Variants in PTP4A1 observed in about 807,000 individuals in gnomAD.
PTP4A1 encodes the protein protein tyrosine phosphatase type IVA 1.
PTP4A1 carries 9 observed loss-of-function variants against 20.5 expected under a neutral mutation model. The ratio of observed to expected loss-of-function variants is 0.44; its 90% CI spans 0.26 to 0.77. PTP4A1 has a LOEUF of 0.77. PTP4A1 is among the 30% of genes least tolerant of loss of function. The pLI, the probability that PTP4A1 is intolerant of heterozygous loss-of-function variation, is 0.19. For missense variants in PTP4A1, 137 were observed against 218.8 expected (o/e 0.63, Z 2.36); for synonymous variants, 78 against 67.4 (o/e 1.16, Z -0.77).
At chr6:63,519,476 C>T (rs1774846813), upstream of PTP4A1, among the ~76,000 whole-genome samples, 2 of 152,172 alleles carry the variant, frequency 1.3e-5, no homozygotes, top group Non-Finnish European at 2.9e-5. Context: ...TATGTCCTGT[C>T]TTACCAGGTG....
At chr6:63,557,348 C>T (rs1296295492) in intron 3 of PTP4A1, among the ~76,000 whole-genome samples, 1 of 152,032 alleles carries the variant, frequency 6.6e-6, no homozygotes, top group Non-Finnish European at 1.5e-5. Context: ...GGTGGATCAC[C>T]TGAGGTCAGG....
chr6:63,548,002 G>A (rs1776279287), intron 2 of PTP4A1, among the ~76,000 whole-genome samples: 1 of 152,032 alleles, frequency 6.6e-6, no homozygotes, highest in African/African-American at 2.4e-5. Flanking sequence ...TTCACAATCA[G>A]GAACTTGTTT....
At chr6:63,562,427 G>A (rs1226036422) in intron 3 of PTP4A1, among the ~76,000 whole-genome samples, 2 of 152,052 alleles carry the variant, frequency 1.3e-5, no homozygotes, top group Non-Finnish European at 2.9e-5. Context: ...TCGAACTCCC[G>A]ACCTCAAGTG....
intron 3 of PTP4A1, among the ~76,000 whole-genome samples, chr6:63,563,583 C>T (rs570977312): frequency 6.6e-6 from 1 of 152,328 alleles, no homozygotes; most frequent in African/African-American, 2.4e-5. Context: ...TGCTTATTTA[C>T]TTGTTATTTT....
intron 3 of PTP4A1, among the ~76,000 whole-genome samples, chr6:63,555,736 C>T (rs1221235229): frequency 1.3e-5 from 2 of 150,994 alleles, no homozygotes; most frequent in African/African-American, 4.9e-5. Flanking sequence ...CTCTGTCACC[C>T]AGCCTGGAGT....
At chr6:63,528,593 TG>T (rs1172812849) in intron 2 of PTP4A1, among the ~76,000 whole-genome samples, 5 of 151,378 alleles carry the variant, frequency 3.3e-5, no homozygotes, top group Non-Finnish European at 7.4e-5. Flanking sequence ...TAGCCAGCCA[TG>T]AAAAACTAGC....
chr6:63,565,522 G>A (rs943569402), intron 3 of PTP4A1, among the ~76,000 whole-genome samples: 14 of 152,078 alleles, frequency 9.2e-5, no homozygotes, highest in African/African-American at 3.1e-4. Context: ...TTGATATGAT[G>A]ACTTGATAAG....
chr6:63,525,594 G>C (rs755154259), intron 1 of PTP4A1, among the ~76,000 whole-genome samples: 1 of 152,084 alleles, frequency 6.6e-6, no homozygotes, highest in South Asian at 2.1e-4. Flanking sequence ...TCTCCTCTGC[G>C]TTCTGAAGCA....
intron 2 of PTP4A1, among the ~76,000 whole-genome samples, chr6:63,547,839 A>C (rs1213205315): frequency 2.0e-5 from 3 of 151,972 alleles, no homozygotes; most frequent in Non-Finnish European, 4.4e-5. Context: ...TGCTACACAG[A>C]CCCCAGATTT....
chr6:63,571,823 TAGCCTTA>T (rs1777441758), upstream of PTP4A1: 1 of 152,272 alleles, frequency 6.6e-6, no homozygotes, highest in African/African-American at 2.4e-5. Flanking sequence ...CCATCTTCTA[TAGCCTTA>T]AGTTTTGCGA....
chr6:63,554,037 T>A (rs367834801), intron 3 of PTP4A1, among the ~76,000 whole-genome samples: 1 of 152,198 alleles, frequency 6.6e-6, no homozygotes, highest in African/African-American at 2.4e-5. Context: ...ACATTGACTA[T>A]ATCTGAGGAG....
At chr6:63,521,270 C>A (rs759756716), upstream of PTP4A1, among the ~76,000 whole-genome samples, 4 of 151,936 alleles carry the variant, frequency 2.6e-5, no homozygotes, top group Non-Finnish European at 5.9e-5. Context: ...AAGAAAAAAA[C>A]GGCAAATAAT....
At chr6:63,571,085 T>G (rs1324667026), upstream of PTP4A1, 1 of 152,208 alleles carries the variant, frequency 6.6e-6, no homozygotes, top group Non-Finnish European at 1.5e-5. Context: ...TGGATTAAAA[T>G]GTGTCGTAGG....
chr6:63,521,637 C>CAT (rs1774929373), upstream of PTP4A1: 3 of 152,192 alleles, frequency 2.0e-5, no homozygotes, highest in South Asian at 2.1e-4. Context: ...AAACTGTCCC[C>CAT]TTGAACTGTA....
At chr6:63,577,551 G>C (rs1777947921) in intron 2 of PTP4A1, among the ~76,000 whole-genome samples, 1 of 151,966 alleles carries the variant, frequency 6.6e-6, no homozygotes. Context: ...GAACATAATG[G>C]AAATACTTTT....
rs1778260355 is a variant in PTP4A1, at chr6:63,581,945, A to G, written c.*1771A>G. 6.6e-6 allele frequency: 1 copy of G among 152,158 alleles called. No individual in the cohort carries two copies. Among genetic ancestry groups the G allele is most frequent in the African/African-American group, 2.4e-5 (1 of 41,464 alleles). 9.4% of individuals were successfully genotyped at this position (152,158 alleles called of 1,614,324 possible). A position where few individuals can be genotyped will look rare whatever the true frequency, so the allele number is the denominator to read the frequency against. ...AATCTAAATCTAGATGTCTTTGTCT[A>G]ATTTTTTTTGAATAGCAGTTATAAA... is the stretch of plus-strand genomic sequence containing the variant. On this transcript the variant is annotated 3_prime_UTR_variant, in exon 6 of 6. Coordinates refer to ENST00000626021, the MANE Select transcript of PTP4A1 (RefSeq NM_003463.5).
At chr6:63,553,885 GT>G (rs913585952) in intron 3 of PTP4A1, among the ~76,000 whole-genome samples, 1 of 152,120 alleles carries the variant, frequency 6.6e-6, no homozygotes, top group African/African-American at 2.4e-5. Flanking sequence ...TATTCAAAAG[GT>G]TATGGCTACA....
intron 3 of PTP4A1, among the ~76,000 whole-genome samples, chr6:63,554,481 T>C (rs1303294874): frequency 6.6e-6 from 1 of 152,112 alleles, no homozygotes; most frequent in Non-Finnish European, 1.5e-5. Context: ...AGCCTTCCCA[T>C]AGCACACAAT....
intron 2 of PTP4A1, among the ~76,000 whole-genome samples, chr6:63,577,321 C>T (rs576344577): frequency 2.2e-4 from 33 of 152,248 alleles, no homozygotes; most frequent in Admixed American, 9.8e-4. Flanking sequence ...ATGACTAATG[C>T]CATAAACCAG....
Sources: allele counts gnomAD v4.1 joint callset (sites outside exome capture counted in the v4.1 genomes callset), GRCh38; gene constraint gnomAD v4.1.1; transcripts MANE v1.5; gene names NCBI Gene and HGNC (gene_info 2026-07-23, HGNC 2026-07-21).